MELK: variants seen among roughly 807,000 people sequenced by gnomAD.
MELK encodes maternal embryonic leucine zipper kinase, also known as pEg3 kinase.
In MELK, 81 loss-of-function variants were observed where a neutral mutation model predicts 85.0. That is an observed-to-expected ratio of 0.95 (90% CI 0.80 to 1.15). The LOEUF is 1.15. Among genes scored for constraint, MELK ranks in the 50% most tolerant of loss-of-function variants. The pLI is 0.00. For missense variants in MELK, 754 were observed against 777.5 expected (o/e 0.97, Z 0.36); for synonymous variants, 252 against 265.0 (o/e 0.95, Z 0.48).
At chr9:36,663,971 T>C (rs1396714797) in intron 13 of MELK, among the ~76,000 whole-genome samples, 1 of 152,268 alleles carries the variant, frequency 6.6e-6, no homozygotes, top group Non-Finnish European at 1.5e-5. Context: ...TAGCCTTATG[T>C]TAGACATTTT....
intron 7 of MELK, among the ~76,000 whole-genome samples, chr9:36,605,611 C>A (rs774670334): frequency 6.6e-6 from 1 of 151,886 alleles, no homozygotes; most frequent in Non-Finnish European, 1.5e-5. Context: ...CAATTTCTGA[C>A]CTCCTGCAAC....
chr9:36,632,353 G>A (rs1427282674), intron 9 of MELK, among the ~76,000 whole-genome samples: 1 of 152,158 alleles, frequency 6.6e-6, no homozygotes, highest in Non-Finnish European at 1.5e-5. Context: ...TGGGGGTTCT[G>A]AGCCTGGCCT....
rs148081976 is a variant in MELK, at chr9:36,651,800, C to G, written c.976C>G (p.Arg326Gly). 9.3e-6 allele frequency: 15 copies of G among 1,613,852 alleles called. No individual in the cohort carries two copies. In the African/African-American group the frequency reaches 9.3e-5, roughly 10 times the overall value. Residue 326 changes from arginine to glycine, a missense_variant, in exon 12 of 18, where the codon CGG becomes GGG. Coordinates refer to ENST00000298048, the MANE Select transcript of MELK (RefSeq NM_014791.4). Reference sequence around the variant, plus strand: ...TCTTCTGCTTCTAGCCAAGAAGGCTCGGGGAAAACCAGTTCGTTTAAGGCT... The same window carrying G: ...TCTTCTGCTTCTAGCCAAGAAGGCTGGGGGAAAACCAGTTCGTTTAAGGCT... ...TYLLLLAKKA[R>G]GKPVRLRLSS...
chr9:36,668,111 A>G (rs942145709), intron 14 of MELK, among the ~76,000 whole-genome samples: 2 of 152,180 alleles, frequency 1.3e-5, no homozygotes, highest in Non-Finnish European at 1.5e-5. Flanking sequence ...TGACATAAAC[A>G]TAAATTTCAT....
intron 14 of MELK, among the ~76,000 whole-genome samples, chr9:36,667,381 C>T (rs375680852): frequency 4.6e-5 from 7 of 152,158 alleles, no homozygotes; most frequent in African/African-American, 1.7e-4. Context: ...GTCTCAAACT[C>T]CTGACCTCAG....
At chr9:36,618,230 G>A (rs775545504) in intron 8 of MELK, among the ~76,000 whole-genome samples, 7 of 151,848 alleles carry the variant, frequency 4.6e-5, no homozygotes, top group African/African-American at 7.3e-5. Flanking sequence ...CCAACATGGT[G>A]AAACCCCATC....
chr9:36,634,945 C>G (rs1564189030), intron 10 of MELK, among the ~76,000 whole-genome samples: 3 of 151,766 alleles, frequency 2.0e-5, no homozygotes, highest in African/African-American at 7.3e-5. Context: ...GACTCCATCT[C>G]AAAAGAAAAA....
chr9:36,664,379 G>A (rs1318538369), intron 13 of MELK, among the ~76,000 whole-genome samples: 1 of 152,108 alleles, frequency 6.6e-6, no homozygotes, highest in African/African-American at 2.4e-5. Context: ...CTGAGGCTTG[G>A]GTTAAGGGCT....
chr9:36,653,484 A>G (rs1414799680), intron 12 of MELK, among the ~76,000 whole-genome samples: 2 of 152,182 alleles, frequency 1.3e-5, no homozygotes, highest in African/African-American at 4.8e-5. Flanking sequence ...GCTTACATAC[A>G]TAGAGGCACC....
At chr9:36,627,478 T>C (rs536395105) in intron 8 of MELK, among the ~76,000 whole-genome samples, 35 of 151,936 alleles carry the variant, frequency 2.3e-4, no homozygotes, top group African/African-American at 7.7e-4. Flanking sequence ...ATTCCCTTTA[T>C]CGAAAGCACT....
intron 3 of MELK, among the ~76,000 whole-genome samples, chr9:36,586,893 G>C (rs1165802329): frequency 6.6e-6 from 1 of 151,882 alleles, no homozygotes; most frequent in African/African-American, 2.4e-5. Flanking sequence ...ATGGAGTCTT[G>C]CTCTGTCACC....
At chr9:36,610,169 G>A (rs948527793) in intron 8 of MELK, among the ~76,000 whole-genome samples, 1 of 152,160 alleles carries the variant, frequency 6.6e-6, no homozygotes, top group African/African-American at 2.4e-5. Context: ...CTAACAATTA[G>A]ATGAGGAGAC....
chr9:36,614,129 C>G (rs1587433407), intron 8 of MELK, among the ~76,000 whole-genome samples: 1 of 149,628 alleles, frequency 6.7e-6, no homozygotes, highest in South Asian at 2.1e-4. Flanking sequence ...CAGAGTCTCG[C>G]CCTGTCGTCC....
intron 16 of MELK, among the ~76,000 whole-genome samples, chr9:36,671,895 CTT>C (rs1228916683): frequency 2.0e-5 from 3 of 152,116 alleles, no homozygotes; most frequent in Admixed American, 2.0e-4. Flanking sequence ...TTGAGGAACT[CTT>C]AGGCTGGCTG....
At chr9:36,594,795 A>G (rs1460253426) in intron 5 of MELK, 24 bp downstream of exon 5, 2 of 1,602,178 alleles carry the variant, frequency 1.2e-6, no homozygotes, top group Non-Finnish European at 1.7e-6. Context: ...TCACAGTTAG[A>G]TGCTCACCTT....
intron 4 of MELK, among the ~76,000 whole-genome samples, chr9:36,591,469 G>C (rs1323436264): frequency 1.3e-5 from 2 of 152,272 alleles, no homozygotes; most frequent in East Asian, 3.9e-4. Flanking sequence ...AGCTACCTGG[G>C]AGGCTGAGGT....
chr9:36,621,086 C>T (rs532431492), intron 8 of MELK, among the ~76,000 whole-genome samples: 16 of 151,082 alleles, frequency 1.1e-4, no homozygotes, highest in African/African-American at 2.9e-4. Context: ...CTGGCCAACA[C>T]GGTGAAACCC....
At chr9:36,582,884 A>C (rs1822399482) in intron 2 of MELK, among the ~76,000 whole-genome samples, 1 of 152,120 alleles carries the variant, frequency 6.6e-6, no homozygotes. Context: ...CTTTTTGGAA[A>C]TGTTAATTTG....
intron 4 of MELK, 41 bp downstream of exon 4, chr9:36,589,693 T>C (rs1823330265): frequency 7.2e-7 from 1 of 1,381,794 alleles, no homozygotes; most frequent in Admixed American, 1.8e-5. Flanking sequence ...ATTTGATCAC[T>C]TTATCAATAG....
Sources: allele counts gnomAD v4.1 joint callset (sites outside exome capture counted in the v4.1 genomes callset), GRCh38; gene constraint gnomAD v4.1.1; transcripts MANE v1.5; gene names NCBI Gene and HGNC (gene_info 2026-07-23, HGNC 2026-07-21).